MAP3K13: variants seen among roughly 807,000 people sequenced by gnomAD.
The protein encoded by MAP3K13 is leucine zipper-bearing kinase.
MAP3K13 carries 52 observed loss-of-function variants against 104.0 expected under a neutral mutation model. The observed-to-expected ratio is 0.50, with a 90% CI of 0.40 to 0.63. MAP3K13 has a LOEUF of 0.63. MAP3K13 is among the 20% of genes least tolerant of loss of function. The probability of loss-of-function intolerance (pLI) is 0.00; values close to 1 mark genes in which losing one functional copy is unlikely to be tolerated. For synonymous variants in MAP3K13, 394 were observed against 442.2 expected (o/e 0.89, Z 1.37); for missense variants, 914 against 1,218.5 (o/e 0.75, Z 3.72).
chr3:185,428,034 G>C (rs372613729), intron 1 of MAP3K13, among the ~76,000 whole-genome samples: 1 of 150,770 alleles, frequency 6.6e-6, no homozygotes, highest in Admixed American at 6.6e-5. Flanking sequence ...AGCCGAGATC[G>C]CGCCATTGCA....
intron 1 of MAP3K13, among the ~76,000 whole-genome samples, chr3:185,419,890 C>T (rs1714019951): frequency 6.6e-6 from 1 of 152,070 alleles, no homozygotes; most frequent in African/African-American, 2.4e-5. Context: ...AATTTATAGA[C>T]TACTACTCTG....
At chr3:185,424,901 T>G (rs947388559) in intron 1 of MAP3K13, among the ~76,000 whole-genome samples, 20 of 152,210 alleles carry the variant, frequency 1.3e-4, no homozygotes, top group Non-Finnish European at 1.9e-4. Context: ...CACAGCTCAC[T>G]GCAGCCTCGA....
chr3:185,301,838 A>T (rs1391327637), intron 2 of MAP3K13, among the ~76,000 whole-genome samples: 1 of 152,182 alleles, frequency 6.6e-6, no homozygotes, highest in African/African-American at 2.4e-5. Flanking sequence ...ATGTCTGTTT[A>T]TGCCAGTACT....
intron 1 of MAP3K13, among the ~76,000 whole-genome samples, chr3:185,427,720 G>A (rs1278209226): frequency 1.3e-5 from 2 of 152,172 alleles, no homozygotes; most frequent in African/African-American, 4.8e-5. Context: ...GATGTAGTTT[G>A]TACTAAAGAT....
chr3:185,390,403 T>C (rs895257284), intron 1 of MAP3K13, among the ~76,000 whole-genome samples: 5 of 152,162 alleles, frequency 3.3e-5, no homozygotes, highest in South Asian at 2.1e-4. Context: ...CAAACTCTTT[T>C]CTGTGCCACT....
intron 2 of MAP3K13, among the ~76,000 whole-genome samples, chr3:185,325,546 C>T (rs1722016209): frequency 6.6e-6 from 1 of 152,164 alleles, no homozygotes; most frequent in Non-Finnish European, 1.5e-5. Context: ...TACCTTGGCT[C>T]AGTGTCACCT....
rs143739069 is a variant in MAP3K13, at chr3:185,484,456, A to T, written c.*2000A>T. On this transcript the variant is annotated 3_prime_UTR_variant, in exon 14 of 14. Transcript: ENST00000265026. ...ACACTGCATCATGTTGGACGTTAGG[A>T]AATACTTGCACAGACAGCTGTTAAA... 103 of 152,306 alleles carry T rather than the reference A, an allele frequency of 6.8e-4. No homozygotes were observed. The highest frequency in any genetic ancestry group is 2.4e-3 in the African/African-American group (100 of 41,562). 9.4% of individuals were successfully genotyped at this position (152,306 alleles called of 1,614,324 possible). A position where few individuals can be genotyped will look rare whatever the true frequency, so the allele number is the denominator to read the frequency against.
intron 1 of MAP3K13, among the ~76,000 whole-genome samples, chr3:185,428,036 G>A (rs1316389407): frequency 3.3e-5 from 5 of 150,062 alleles, no homozygotes; most frequent in Non-Finnish European, 5.9e-5. Context: ...CCGAGATCGC[G>A]CCATTGCACT....
Position 185,299,818 on chromosome 3 carries a change from G to A in MAP3K13, c.-86+14175G>A, listed in dbSNP as rs1471183702. ...CCTGACCTCATGATCCACCCGCCTC[G>A]GCCTCCCAAAGTGCTGGGATTACAG... On this transcript the variant is annotated intron_variant, in intron 2 of 14. Transcript: ENST00000424227. Among the ~76,000 whole-genome samples the A allele has an allele frequency of 2.2e-4, 2 of 9,092 alleles. 1 individual carries two copies. Among genetic ancestry groups the A allele is most frequent in the East Asian group, 7.7e-3 (2 of 260 alleles). The allele number at this position is 9,092 out of a possible 152,430, so 6.0% of individuals were successfully genotyped here.
rs113118765 is a variant in MAP3K13 at position 185,313,204 on chromosome 3, A to G, written c.-86+27561A>G. 9.7e-3 allele frequency among the ~76,000 whole-genome samples: 1,461 copies of G among 150,142 alleles called. 32 individuals carry two copies. Among genetic ancestry groups the G allele is most frequent in the African/African-American group, 0.033 (1,372 of 41,010 alleles). ...ACTCCATCTCAAAAAAAAAAAGGGG[A>G]AAATGTAGAATAAAACAAATTTCAG... is the stretch of plus-strand genomic sequence containing the variant. On this transcript the variant is annotated intron_variant, in intron 2 of 14. Coordinates refer to the MAP3K13 transcript ENST00000424227.
chr3:185,387,662 A>G (rs1267217340), intron 1 of MAP3K13, among the ~76,000 whole-genome samples: 1 of 152,182 alleles, frequency 6.6e-6, no homozygotes, highest in African/African-American at 2.4e-5. Context: ...TCATAGAAGG[A>G]TCATACCTCA....
chr3:185,307,544 C>CCCA (rs1347897868), intron 2 of MAP3K13, among the ~76,000 whole-genome samples: 1 of 42,490 alleles, frequency 2.4e-5, no homozygotes, highest in East Asian at 6.7e-4. Context: ...GTGCACCACC[C>CCCA]CCTCCCCCGC....
intron 1 of MAP3K13, among the ~76,000 whole-genome samples, chr3:185,422,758 G>T (rs920689822): frequency 6.6e-6 from 1 of 152,244 alleles, no homozygotes; most frequent in Non-Finnish European, 1.5e-5. Context: ...CGTAAGACTT[G>T]TGCTGTATAG....
intron 2 of MAP3K13, among the ~76,000 whole-genome samples, chr3:185,321,706 C>G (rs1304828651): frequency 6.6e-6 from 1 of 152,178 alleles, no homozygotes; most frequent in East Asian, 1.9e-4. Flanking sequence ...TGGGTTCAAG[C>G]AATTCTCCTG....
At chr3:185,400,865 C>T (rs1577511998) in intron 1 of MAP3K13, among the ~76,000 whole-genome samples, 1 of 136,914 alleles carries the variant, frequency 7.3e-6, no homozygotes, top group South Asian at 2.3e-4. Context: ...ATTTTCTGCA[C>T]TGTTTCTCTT....
At chr3:185,298,492 A>T (rs1467291238) in intron 2 of MAP3K13, among the ~76,000 whole-genome samples, 4 of 152,222 alleles carry the variant, frequency 2.6e-5, no homozygotes, top group Non-Finnish European at 5.9e-5. Flanking sequence ...GTGTTGTTAT[A>T]TTTAATGTGT....
At chr3:185,372,415 C>T (rs1048537301) in intron 1 of MAP3K13, among the ~76,000 whole-genome samples, 4 of 152,158 alleles carry the variant, frequency 2.6e-5, no homozygotes, top group Admixed American at 2.6e-4. Flanking sequence ...TGAAGCTATG[C>T]CCCAATCTAG....
At chr3:185,319,047 A>G (rs1397542991) in intron 2 of MAP3K13, among the ~76,000 whole-genome samples, 4 of 152,118 alleles carry the variant, frequency 2.6e-5, no homozygotes, top group Non-Finnish European at 4.4e-5. Flanking sequence ...TAAACAGTAT[A>G]TTGATTAGTT....
intron 2 of MAP3K13, among the ~76,000 whole-genome samples, chr3:185,354,313 A>T (rs1368475131): frequency 6.7e-6 from 1 of 150,102 alleles, no homozygotes; most frequent in African/African-American, 2.4e-5. Flanking sequence ...ATCACCCGGT[A>T]GCCTAACCTG....
Sources: gnomAD v4.1 joint callset for allele counts (sites outside exome capture counted in the v4.1 genomes callset) on GRCh38, gnomAD v4.1.1 for gene constraint, MANE v1.5 for transcripts, NCBI Gene and HGNC (gene_info 2026-07-23, HGNC 2026-07-21) for gene names.